ACSL6: variants seen among roughly 807,000 people sequenced by gnomAD.
ACSL6 encodes the protein long-chain-fatty-acid--CoA ligase 6.
Under a neutral mutation model 98.2 loss-of-function variants are expected in ACSL6, and 47 were observed. The observed-to-expected ratio is 0.48, with a 90% CI of 0.38 to 0.61. The LOEUF (loss-of-function observed/expected upper bound fraction) is 0.61, where lower values mean the gene tolerates loss of function less well. Among genes scored for constraint, ACSL6 ranks in the 20% least tolerant of loss-of-function variants. The pLI, the probability that ACSL6 is intolerant of heterozygous loss-of-function variation, is 0.00. For missense variants in ACSL6, 761 were observed against 913.4 expected, an observed-to-expected ratio of 0.83 and a Z score of 2.15; for synonymous variants, 362 against 336.9, an observed-to-expected ratio of 1.07 and a Z score of -0.82.
At chr5:131,959,258 A>T (rs1752575846) in intron 20 of ACSL6, among the ~76,000 whole-genome samples, 1 of 152,236 alleles carries the variant, frequency 6.6e-6, no homozygotes, top group Non-Finnish European at 1.5e-5. Context: ...AGCTTGGAAG[A>T]CAGATCATGT....
chr5:132,011,772 C>T (rs562827040), upstream of ACSL6: 87 of 1,350,642 alleles, frequency 6.4e-5, no homozygotes, highest in South Asian at 1.1e-3. This position sits in a 1 kb window ranked among gnomAD's most constrained non-coding sequence, Gnocchi z 5.4. Flanking sequence ...AGCCTTACTC[C>T]CTGCCCTGCA....
In ACSL6 at chr5:131,962,614, A is replaced by T; in HGVS notation, c.1778T>A (p.Val593Asp). 6.2e-7 allele frequency: 1 copy of T among 1,614,152 alleles called. No homozygotes were observed. Among genetic ancestry groups the T allele is most frequent in the Non-Finnish European group, 8.5e-7 (1 of 1,180,004 alleles). Reference sequence around the variant, plus strand: ...GATGTTCTCAATCTTCTCGGGTGCAACATATTCTCCCTGAGCAAGTTTAAA... The same window carrying T: ...GATGTTCTCAATCTTCTCGGGTGCATCATATTCTCCCTGAGCAAGTTTAAA... ...HIFKLAQGEY[V>D]APEKIENIYI... The change falls in exon 18 of 21, where the codon GTT becomes GAT. Residue 593 changes from valine to aspartate, a missense_variant. Coordinates refer to ENST00000651883, the MANE Select transcript of ACSL6 (RefSeq NM_001009185.3).
rs548295881 is a variant in ACSL6, at chr5:132,010,422, G to A, written c.49+1083C>T. Among the ~76,000 whole-genome samples the A allele has an allele frequency of 2.0e-5, 3 of 152,306 alleles. No homozygotes were observed. In the South Asian group the frequency reaches 6.2e-4, roughly 32 times the overall value. On this transcript the variant is annotated intron_variant, in intron 1 of 20. Transcript: ENST00000651883. Reference sequence around the variant, plus strand: ...TTGACCTCTGAACTCAGTAAAAAAAGGGATGGTGCCACCGACCTCCTAGGG... The same window carrying A: ...TTGACCTCTGAACTCAGTAAAAAAAAGGATGGTGCCACCGACCTCCTAGGG...
rs746851014 is a variant in ACSL6, at chr5:131,988,073, A to G, written c.806T>C (p.Val269Ala). ...CTCCACGGCCTGCATGGACTTAATGACCACCCCGCACTTCTGCCCTCTCTC... is the reference window on the plus strand; with the variant it reads ...CTCCACGGCCTGCATGGACTTAATGGCCACCCCGCACTTCTGCCCTCTCTC... ...LKERGQKCGV[V>A]IKSMQAVEDC... The change falls in exon 7 of 21, where the codon GTC (valine) becomes GCC (alanine). Residue 269 changes from valine to alanine, a missense_variant. Transcript: ENST00000651883. 1 of 1,614,060 alleles carries G rather than the reference A, an allele frequency of 6.2e-7. No individual in the cohort carries two copies. Among genetic ancestry groups the G allele is most frequent in the Admixed American group, 1.7e-5 (1 of 60,008 alleles).
Position 131,994,254 on chromosome 5 carries a change from G to C in ACSL6, c.50-3C>G. 2.5e-6 allele frequency: 4 copies of C among 1,604,468 alleles called. No homozygotes were observed. The highest frequency in any genetic ancestry group is 1.3e-5 in the African/African-American group (1 of 74,802). ...CTCCAGAAGTGAGAGGACAAACTCT[G>C]TTGAAAACAAGAGTCAGATAAGGCA... is the stretch of plus-strand genomic sequence containing the variant. On this transcript the variant is annotated splice_region_variant and splice_polypyrimidine_tract_variant and intron_variant, in intron 1 of 20. Coordinates refer to ENST00000651883, the MANE Select transcript of ACSL6 (RefSeq NM_001009185.3).
At position 131,992,896 on chromosome 5, in the gene ACSL6, A is replaced by G. The variant is rs535156383; in HGVS notation, c.270+1135T>C. ...GGTCATCACACCCAATCTTTACCAC[A>G]CCTTAGAAAGCAGGTGCTCTTTTTA... On this transcript the variant is annotated intron_variant, in intron 2 of 20. Coordinates refer to ENST00000651883, the MANE Select transcript of ACSL6 (RefSeq NM_001009185.3). 4.6e-5 allele frequency among the ~76,000 whole-genome samples: 7 copies of G among 152,186 alleles called. No individual in the cohort carries two copies. In the South Asian group the frequency reaches 8.3e-4, roughly 18 times the overall value.
At chr5:131,959,127 G>A (rs1752569157) in intron 20 of ACSL6, among the ~76,000 whole-genome samples, 1 of 151,962 alleles carries the variant, frequency 6.6e-6, no homozygotes, top group Non-Finnish European at 1.5e-5. Context: ...ACAGATCACT[G>A]GCCCGAGAAG....
intron 16 of ACSL6, 62 bp downstream of exon 16, chr5:131,967,878 G>C: frequency 7.0e-7 from 1 of 1,435,162 alleles, no homozygotes; most frequent in Non-Finnish European, 9.8e-7. Context: ...CATCCCTACT[G>C]TTCTTGTTTT....
intron 9 of ACSL6, chr5:131,984,315 C>T (rs988203398): frequency 1.3e-5 from 2 of 152,230 alleles, no homozygotes; most frequent in African/African-American, 4.8e-5. Context: ...TGTCAAATGC[C>T]TTAGAGGCTG....
chr5:131,989,486 A>C lies in ACSL6; in HGVS notation c.473T>G (p.Leu158Arg), dbSNP rs1754387136. 1.9e-6 allele frequency: 3 copies of C among 1,608,254 alleles called. No homozygotes were observed. The highest frequency in any genetic ancestry group is 1.1e-5 in the South Asian group (1 of 90,978). Residue 158 changes from leucine (L) to arginine (R), a missense_variant, in exon 5 of 21, where the codon CTG becomes CGG. Transcript: ENST00000651883. ...ATTGTGCTGGAGAAGTCCGGACCCC[A>C]GAAATTCAGCCCTGTCGGCCACCTG... is the stretch of plus-strand genomic sequence containing the variant. ...YQEVADRAEFLGSGLLQHNCK... is the reference protein window; with the variant it reads ...YQEVADRAEFRGSGLLQHNCK...
intron 8 of ACSL6, 140 bp downstream of exon 8, chr5:131,986,682 T>C (rs1754204922): frequency 9.6e-7 from 1 of 1,037,438 alleles, no homozygotes; most frequent in African/African-American, 1.6e-5. Flanking sequence ...TCCTGGACAC[T>C]CAAGTGGGCA....
chr5:131,988,012 A>C, intron 7 of ACSL6, 36 bp downstream of exon 7: 1 of 1,606,368 alleles, frequency 6.2e-7, no homozygotes, highest in Non-Finnish European at 8.5e-7. Flanking sequence ...ACCAGCCAGC[A>C]GTAGCCCAGC....
chr5:131,971,398 G>A (rs2149716314), intron 14 of ACSL6, 152 bp downstream of exon 14: 2 of 542,828 alleles, frequency 3.7e-6, no homozygotes, highest in East Asian at 6.5e-5. Flanking sequence ...GGCTTTCACT[G>A]GCTCTGAGTT....
In ACSL6 at chr5:131,987,792, C is replaced by T. The variant is rs1018159075; in HGVS notation, c.831+256G>A. Among the ~76,000 whole-genome samples, 6 of 152,312 alleles carry T rather than the reference C, an allele frequency of 3.9e-5. No homozygotes were observed. The South Asian group carries it at 6.2e-4, about 16-fold the overall frequency. On this transcript the variant is annotated intron_variant, in intron 7 of 20. Coordinates refer to ENST00000651883, the MANE Select transcript of ACSL6 (RefSeq NM_001009185.3). ...GTACCTCTGAGGTAAGCTGGCACCA[C>T]GGTCCACCAGTCAGCACCTAGTGCC...
intron 1 of ACSL6, among the ~76,000 whole-genome samples, chr5:131,997,695 G>A (rs181605034): frequency 3.9e-5 from 6 of 152,304 alleles, no homozygotes; most frequent in African/African-American, 1.2e-4. Flanking sequence ...AAGGCAGTGC[G>A]CAAAGGGCTT....
At chr5:131,997,075 G>A (rs1244790986) in intron 1 of ACSL6, among the ~76,000 whole-genome samples, 1 of 152,198 alleles carries the variant, frequency 6.6e-6, no homozygotes, top group Non-Finnish European at 1.5e-5. Flanking sequence ...CTCATACAAA[G>A]ATCAGTGCTA....
intron 8 of ACSL6, among the ~76,000 whole-genome samples, chr5:131,986,117 C>T (rs2126880647): frequency 6.6e-6 from 1 of 152,320 alleles, no homozygotes; most frequent in South Asian, 2.1e-4. Flanking sequence ...AGCCTGGGCA[C>T]AGGCACAGAG....
rs549937796 is a variant in ACSL6, at chr5:131,987,044, G to A, written c.832-190C>T. ...AAACAGCTCAGTAGGCCTTACTCCT[G>A]CACCAATCCCAGAGTTTAAGATTCC... On this transcript the variant is annotated intron_variant, in intron 7 of 20. Transcript: ENST00000651883. 4.6e-5 allele frequency among the ~76,000 whole-genome samples: 7 copies of A among 152,022 alleles called. No homozygotes were observed. In the South Asian group the frequency reaches 1.5e-3, roughly 32 times the overall value.
At chr5:131,958,411 A>AT (rs1436359931) in intron 20 of ACSL6, among the ~76,000 whole-genome samples, 3 of 152,240 alleles carry the variant, frequency 2.0e-5, no homozygotes, top group Non-Finnish European at 4.4e-5. Flanking sequence ...GTCAGTTCAT[A>AT]TGCCAAAATT....
Sources: allele counts gnomAD v4.1 joint callset (sites outside exome capture counted in the v4.1 genomes callset), GRCh38; gene constraint gnomAD v4.1.1; non-coding constraint Gnocchi (gnomAD v3.1); transcripts MANE v1.5; gene names NCBI Gene and HGNC (gene_info 2026-07-23, HGNC 2026-07-21).